The following FSD1L variants were observed in gnomAD, a reference collection of about 807,000 sequenced individuals.
FSD1L encodes fibronectin type III and SPRY domain containing 1 like, also known as FSD1-like protein.
A neutral mutation model predicts 71.6 loss-of-function variants in FSD1L; 45 were observed. The ratio of observed to expected loss-of-function variants is 0.63; its 90% CI spans 0.49 to 0.81. The LOEUF (loss-of-function observed/expected upper bound fraction) is 0.81. Among genes scored for constraint, FSD1L ranks in the 30% least tolerant of loss-of-function variants. FSD1L has a pLI of 0.00. For synonymous variants in FSD1L, 197 were observed against 207.2 expected (o/e 0.95, Z 0.42); for missense variants, 561 against 618.1 (o/e 0.91, Z 0.98).
At chr9:105,530,789 G>A in intron 10 of FSD1L, 1 of 513,460 alleles carries the variant, frequency 1.9e-6, no homozygotes. Context: ...ATTACAAAAT[G>A]CCAAAGGCCT....
Position 105,498,223 on chromosome 9 carries a change from A to ATTATTG in FSD1L, c.587-8174_587-8173insATTGTT, listed in dbSNP as rs770554725. 9.9e-4 allele frequency among the ~76,000 whole-genome samples: 146 copies of ATTATTG among 147,186 alleles called. 1 individual carries two copies. Among genetic ancestry groups the ATTATTG allele is most frequent in the Middle Eastern group, 3.6e-3 (1 of 278 alleles). ...TATTATTATTATTATTATTATTATT[A>ATTATTG]TTGTTTTTAGTTTACCAAGGCGAAA... is the stretch of plus-strand genomic sequence containing the variant. On this transcript the variant is annotated intron_variant, in intron 7 of 13. Transcript: ENST00000481272.
At position 105,519,505 on chromosome 9, in the gene FSD1L, T is replaced by C. The variant is rs911913279; in HGVS notation, c.1025+6569T>C. ...GCAAGGCTGGTTCAACATATAGAAATCAATAAATATAATCCATCACATAAA... is the reference window on the plus strand; with the variant it reads ...GCAAGGCTGGTTCAACATATAGAAACCAATAAATATAATCCATCACATAAA... On this transcript the variant is annotated intron_variant, in intron 10 of 13. Transcript: ENST00000481272. 5.3e-5 allele frequency among the ~76,000 whole-genome samples: 8 copies of C among 151,924 alleles called. 1 individual carries two copies. The highest frequency in any genetic ancestry group is 1.9e-4 in the African/African-American group (8 of 41,358).
Position 105,547,598 on chromosome 9 carries a change from A to G in FSD1L, c.*1115A>G, listed in dbSNP as rs560426532. 6.6e-6 allele frequency: 1 copy of G among 152,104 alleles called. No individual in the cohort carries two copies. The highest frequency in any genetic ancestry group is 1.5e-5 in the Non-Finnish European group (1 of 67,968). The allele number at this position is 152,104 out of a possible 1,614,324, so 9.4% of individuals were successfully genotyped here. On this transcript the variant is annotated 3_prime_UTR_variant, in exon 14 of 14. Coordinates refer to ENST00000481272, the MANE Select transcript of FSD1L (RefSeq NM_001145313.3). ...TTCATTCAGAGGTTTGTTTTCTCTC[A>G]GTCCTTTTGCTACATTCACTTTCTT... is the stretch of plus-strand genomic sequence containing the variant.
Position 105,522,703 on chromosome 9 carries a change from T to A in FSD1L, c.1025+9767T>A, listed in dbSNP as rs1483909017. 17 of 1,609,624 alleles carry A rather than the reference T, an allele frequency of 1.1e-5. No individual in the cohort carries two copies. The South Asian group carries it at 1.6e-4, about 16-fold the overall frequency. On this transcript the variant is annotated intron_variant, in intron 10 of 13. Transcript: ENST00000481272. The stretch of plus-strand genomic sequence containing the variant: ...CGAGCCAAAGTCAATAAAGAGGACA[T>A]GAGCCAAAAACTGCCTCCTCTTAAT...
chr9:105,481,170 T>TGG (rs1832156525), intron 6 of FSD1L, among the ~76,000 whole-genome samples: 1 of 141,328 alleles, frequency 7.1e-6, no homozygotes, highest in Non-Finnish European at 1.5e-5. Context: ...TGTGTGTGTG[T>TGG]GTGTGTGTGG....
intron 10 of FSD1L, chr9:105,521,182 T>C (rs1346156525): frequency 1.2e-6 from 2 of 1,613,996 alleles, no homozygotes; most frequent in East Asian, 4.5e-5. Context: ...CGTTGGCTGG[T>C]TTCTTTCTGG....
rs1268089180 is a variant in FSD1L at position 105,547,574 on chromosome 9, T to C, written c.*1091T>C. On this transcript the variant is annotated 3_prime_UTR_variant, in exon 14 of 14. Coordinates refer to ENST00000481272, the MANE Select transcript of FSD1L (RefSeq NM_001145313.3). ...GCACATGACTTTTTCAAGCAGCCATTCATTCAGAGGTTTGTTTTCTCTCAG... is the reference window on the plus strand; with the variant it reads ...GCACATGACTTTTTCAAGCAGCCATCCATTCAGAGGTTTGTTTTCTCTCAG... 6.6e-6 allele frequency: 1 copy of C among 152,078 alleles called. No homozygotes were observed. The highest frequency in any genetic ancestry group is 1.5e-5 in the Non-Finnish European group (1 of 67,932). 9.4% of individuals were successfully genotyped at this position (152,078 alleles called of 1,614,324 possible). A position where few individuals can be genotyped will look rare whatever the true frequency, so the allele number is the denominator to read the frequency against.
In FSD1L at chr9:105,498,413, A is replaced by G. The variant is rs558156415; in HGVS notation, c.587-7986A>G. ...ATAGTCTCCTACACATCTAGGCTAT[A>G]TTATATAGCAGATTGTTCCTAGGCT... On this transcript the variant is annotated intron_variant, in intron 7 of 13. Coordinates refer to ENST00000481272, the MANE Select transcript of FSD1L (RefSeq NM_001145313.3). Among the ~76,000 whole-genome samples, 316 of 152,210 alleles carry G rather than the reference A, an allele frequency of 2.1e-3. 1 individual carries two copies. Among genetic ancestry groups the G allele is most frequent in the African/African-American group, 7.1e-3 (293 of 41,534 alleles).
At chr9:105,478,059 A>G (rs1010090152) in intron 5 of FSD1L, among the ~76,000 whole-genome samples, 2 of 152,192 alleles carry the variant, frequency 1.3e-5, no homozygotes, top group South Asian at 2.1e-4. Context: ...CTTGTCTAAC[A>G]TGGTGAAACC....
At chr9:105,500,543 TTAAA>T (rs1470429664) in intron 7 of FSD1L, 5 of 152,318 alleles carry the variant, frequency 3.3e-5, no homozygotes, top group African/African-American at 1.2e-4. Context: ...TAGACTATGA[TTAAA>T]TAGTTTCTCT....
At chr9:105,519,425 C>A (rs1318198857) in intron 10 of FSD1L, among the ~76,000 whole-genome samples, 2 of 152,148 alleles carry the variant, frequency 1.3e-5, no homozygotes, top group Admixed American at 6.5e-5. Flanking sequence ...AAACCGAACC[C>A]AGCAGCACAT....
intron 7 of FSD1L, among the ~76,000 whole-genome samples, chr9:105,501,963 A>G (rs1048111623): frequency 2.6e-5 from 4 of 152,116 alleles, no homozygotes; most frequent in African/African-American, 4.8e-5. Flanking sequence ...CCACCTGGCC[A>G]GATAGTTTAA....
chr9:105,471,097 C>T (rs547534348), intron 4 of FSD1L, among the ~76,000 whole-genome samples: 2 of 152,348 alleles, frequency 1.3e-5, no homozygotes, highest in South Asian at 4.1e-4. Flanking sequence ...TTCTGTCACC[C>T]TAGCTCATAC....
Position 105,505,519 on chromosome 9 carries a change from A to G in FSD1L, c.587-880A>G, listed in dbSNP as rs202224236. Among the ~76,000 whole-genome samples, 13 of 152,324 alleles carry G rather than the reference A, an allele frequency of 8.5e-5. No individual in the cohort carries two copies. In the East Asian group the frequency reaches 2.5e-3, roughly 29 times the overall value. On this transcript the variant is annotated intron_variant, in intron 7 of 13. Transcript: ENST00000481272. Reference sequence around the variant, plus strand: ...CGTGATCTGCCTGCCTTGGCCTCCCAAAGTGCTGGGATTACAGGTGTGAGC... The same window carrying G: ...CGTGATCTGCCTGCCTTGGCCTCCCGAAGTGCTGGGATTACAGGTGTGAGC...
At chr9:105,447,997 C>T (rs1396719743), upstream of FSD1L, 7 of 554,340 alleles carry the variant, frequency 1.3e-5, no homozygotes, top group Admixed American at 1.6e-4. Context: ...CGCGCAGGCG[C>T]GGTGCGCTCC....
chr9:105,466,353 T>C (rs1043514911), intron 3 of FSD1L, among the ~76,000 whole-genome samples: 4 of 152,212 alleles, frequency 2.6e-5, no homozygotes, highest in African/African-American at 9.6e-5. Flanking sequence ...CAAATACCAA[T>C]GTCATTTTCC....
At chr9:105,480,220 T>A (rs1187289889) in intron 6 of FSD1L, among the ~76,000 whole-genome samples, 1 of 152,168 alleles carries the variant, frequency 6.6e-6, no homozygotes, top group Non-Finnish European at 1.5e-5. Flanking sequence ...TTCACAAAAA[T>A]TTTCATTATA....
intron 10 of FSD1L, chr9:105,525,013 C>T (rs915233042): frequency 6.4e-7 from 1 of 1,565,536 alleles, no homozygotes. Context: ...TATCTGCTGG[C>T]CTTGCATCAG....
chr9:105,533,414 A>ATTTTTTT (rs1271918066), intron 10 of FSD1L, among the ~76,000 whole-genome samples: 11 of 13,356 alleles, frequency 8.2e-4, no homozygotes, highest in African/African-American at 1.3e-3. Flanking sequence ...TGCCATTTCC[A>ATTTTTTT]TCTTTTTTTT....
Sources: gnomAD v4.1 joint callset for allele counts (sites outside exome capture counted in the v4.1 genomes callset) on GRCh38, gnomAD v4.1.1 for gene constraint, MANE v1.5 for transcripts, NCBI Gene and HGNC (gene_info 2026-07-23, HGNC 2026-07-21) for gene names.